The following TMEM232 variants were observed in gnomAD, a reference collection of about 807,000 sequenced individuals.
TMEM232 encodes the protein transmembrane protein 232.
A neutral mutation model predicts 78.8 loss-of-function variants in TMEM232; 80 were observed. That is an observed-to-expected ratio of 1.01 (90% CI 0.85 to 1.22). The LOEUF is 1.22. TMEM232 is among the 50% of genes most tolerant of loss of function. The pLI, the probability that TMEM232 is intolerant of heterozygous loss-of-function variation, is 0.00. For missense variants in TMEM232, 881 were observed against 742.2 expected, an observed-to-expected ratio of 1.19 and a Z score of -2.17; for synonymous variants, 297 against 254.3, an observed-to-expected ratio of 1.17 and a Z score of -1.60.
intron 3 of TMEM232, among the ~76,000 whole-genome samples, chr5:110,642,031 C>T (rs370992880): frequency 9.9e-5 from 15 of 152,036 alleles, no homozygotes; most frequent in East Asian, 9.6e-4. Flanking sequence ...CCAGACTTAA[C>T]GTTTTGCTAT....
chr5:110,669,535 C>G (rs1004960913), intron 1 of TMEM232, among the ~76,000 whole-genome samples: 3 of 152,128 alleles, frequency 2.0e-5, no homozygotes, highest in African/African-American at 7.2e-5. Context: ...GATTCACAGC[C>G]AAATTCTACC....
intron 2 of TMEM232, among the ~76,000 whole-genome samples, chr5:110,660,209 T>C (rs1403367161): frequency 6.6e-6 from 1 of 151,976 alleles, no homozygotes; most frequent in Non-Finnish European, 1.5e-5. Flanking sequence ...CTTAAATAAA[T>C]GACATTACAA....
intron 12 of TMEM232, among the ~76,000 whole-genome samples, chr5:110,511,148 C>T (rs1009190809): frequency 6.6e-6 from 1 of 152,078 alleles, no homozygotes; most frequent in Non-Finnish European, 1.5e-5. Context: ...TTTGCAGAGA[C>T]ATGGATGAAG....
intron 2 of TMEM232, among the ~76,000 whole-genome samples, chr5:110,407,156 TATAAGTA>T (rs1214394895): frequency 6.6e-6 from 1 of 152,218 alleles, no homozygotes; most frequent in Middle Eastern, 3.4e-3. Context: ...CACATATTGG[TATAAGTA>T]ATAAGTATAT....
chr5:110,637,533 CAATTT>C (rs1417050034), intron 5 of TMEM232, among the ~76,000 whole-genome samples: 4 of 151,732 alleles, frequency 2.6e-5, no homozygotes, highest in African/African-American at 4.8e-5. Flanking sequence ...TCTGCATAAT[CAATTT>C]AATTTGTTTC....
At chr5:110,609,046 A>T (rs1484773465) in intron 8 of TMEM232, among the ~76,000 whole-genome samples, 1 of 152,094 alleles carries the variant, frequency 6.6e-6, no homozygotes, top group African/African-American at 2.4e-5. Context: ...CATTTATAGA[A>T]GTTAGGAACA....
chr5:110,577,891 G>A (rs1035960592), intron 10 of TMEM232, among the ~76,000 whole-genome samples: 2 of 151,846 alleles, frequency 1.3e-5, no homozygotes, highest in East Asian at 1.9e-4. Context: ...GGTGGGAGGA[G>A]GGAGAAGATC....
chr5:110,696,785 C>G (rs1251367985), intron 1 of TMEM232, among the ~76,000 whole-genome samples: 2 of 15,250 alleles, frequency 1.3e-4, no homozygotes, highest in Admixed American at 3.1e-3. Context: ...AACCACTGCT[C>G]AATGAAATAA....
At chr5:110,419,110 A>T (rs1390959133), downstream of TMEM232, among the ~76,000 whole-genome samples, 1 of 151,978 alleles carries the variant, frequency 6.6e-6, no homozygotes, top group African/African-American at 2.4e-5. Context: ...TAGTTGATGG[A>T]ACAAGATTTT....
At chr5:110,449,644 C>T (rs1188416586) in intron 12 of TMEM232, among the ~76,000 whole-genome samples, 2 of 151,978 alleles carry the variant, frequency 1.3e-5, no homozygotes, top group African/African-American at 4.8e-5. Flanking sequence ...CTTAGTGACA[C>T]TAAAAACTCA....
chr5:110,597,735 A>C (rs1313462806), intron 10 of TMEM232, among the ~76,000 whole-genome samples: 1 of 151,774 alleles, frequency 6.6e-6, no homozygotes, highest in Non-Finnish European at 1.5e-5. Flanking sequence ...CTGATCTTTG[A>C]CAAACCTGAG....
intron 12 of TMEM232, among the ~76,000 whole-genome samples, chr5:110,515,867 C>T (rs551521492): frequency 6.6e-6 from 1 of 152,294 alleles, no homozygotes; most frequent in African/African-American, 2.4e-5. Context: ...GCCTAAATGA[C>T]AACAAATGTT....
chr5:110,644,917 C>A (rs550761836), intron 2 of TMEM232, among the ~76,000 whole-genome samples: 48 of 151,308 alleles, frequency 3.2e-4, no homozygotes, highest in African/African-American at 1.1e-3. Flanking sequence ...AACATTATAA[C>A]AGATGCCTCA....
intron 12 of TMEM232, among the ~76,000 whole-genome samples, chr5:110,519,438 G>A (rs1163045053): frequency 2.0e-5 from 3 of 152,092 alleles, no homozygotes; most frequent in African/African-American, 4.8e-5. Flanking sequence ...CTCATCCCAC[G>A]TAAAATGGCT....
intron 12 of TMEM232, among the ~76,000 whole-genome samples, chr5:110,475,783 C>A (rs1188107316): frequency 6.6e-6 from 1 of 151,870 alleles, no homozygotes; most frequent in Non-Finnish European, 1.5e-5. Context: ...GCAGCACAAG[C>A]ACCTGAGGAC....
At chr5:110,714,671 A>C (rs1796849929) in intron 1 of TMEM232, among the ~76,000 whole-genome samples, 2 of 152,328 alleles carry the variant, frequency 1.3e-5, no homozygotes, top group East Asian at 3.9e-4. Flanking sequence ...TATATTTAGC[A>C]CTACCAAATA....
chr5:110,567,195 A>C, intron 11 of TMEM232, among the ~76,000 whole-genome samples: 1 of 151,894 alleles, frequency 6.6e-6, no homozygotes. Context: ...CAGCCAAACC[A>C]TATCATTTAT....
intron 1 of TMEM232, among the ~76,000 whole-genome samples, chr5:110,721,450 T>G (rs1797592819): frequency 6.6e-6 from 1 of 151,486 alleles, no homozygotes. Flanking sequence ...TAACGGACAT[T>G]CAGTGCCCAG....
chr5:110,584,892 CTATGA>C (rs1013407245), intron 10 of TMEM232, among the ~76,000 whole-genome samples: 4 of 151,890 alleles, frequency 2.6e-5, no homozygotes, highest in African/African-American at 4.8e-5. Context: ...TTCTTCTCTG[CTATGA>C]TATATTATTA....
Sources: gnomAD v4.1 joint callset for allele counts (sites outside exome capture counted in the v4.1 genomes callset) on GRCh38, gnomAD v4.1.1 for gene constraint, MANE v1.5 for transcripts, NCBI Gene and HGNC (gene_info 2026-07-23, HGNC 2026-07-21) for gene names.